The following MYCBP2 variants were observed in gnomAD, a reference collection of about 807,000 sequenced individuals.
The protein encoded by MYCBP2 is MYC binding protein 2.
A neutral mutation model predicts 525.3 loss-of-function variants in MYCBP2; 120 were observed. That is an observed-to-expected ratio of 0.23 (90% CI 0.20 to 0.27). MYCBP2 has a LOEUF of 0.27. Ranked by LOEUF, MYCBP2 falls within the 10% of genes least tolerant of loss-of-function variation. MYCBP2 has a pLI of 1.00. For synonymous variants in MYCBP2, 1,894 were observed against 1,955.8 expected (o/e 0.97, Z 0.83); for missense variants, 4,149 against 5,657.1 (o/e 0.73, Z 8.55).
At position 77,327,065 on chromosome 13, in the gene MYCBP2, C is replaced by T. The variant is rs1217434090; in HGVS notation, c.-290G>A. 4.6e-6 allele frequency: 2 copies of T among 439,530 alleles called. No individual in the cohort carries two copies. Among genetic ancestry groups the T allele is most frequent in the Non-Finnish European group, 7.9e-6 (2 of 253,698 alleles). The allele number at this position is 439,530 out of a possible 1,614,324, so 27.2% of individuals were successfully genotyped here. A position where few individuals can be genotyped will look rare whatever the true frequency, so the allele number is the denominator to read the frequency against. ...CCGCCACCACCGCTACCACCGCCACCACCGCCGGGGCTACCCGCAATGGGA... is the reference window on the plus strand; with the variant it reads ...CCGCCACCACCGCTACCACCGCCACTACCGCCGGGGCTACCCGCAATGGGA... On this transcript the variant is annotated 5_prime_UTR_variant, in exon 1 of 83. Transcript: ENST00000544440.
At chr13:77,308,453 A>T (rs1567220000) in intron 1 of MYCBP2, among the ~76,000 whole-genome samples, 1 of 152,186 alleles carries the variant, frequency 6.6e-6, no homozygotes, top group Non-Finnish European at 1.5e-5. Flanking sequence ...CAGCACTGTG[A>T]TCTTGGTATT....
rs1251799724 is a variant in MYCBP2 at position 77,157,921 on chromosome 13, CTT to C, written c.6770+14_6770+15del. ...GAAAGCCCTAAAATAAAGTAAGTAACTTAAAGTACATTTACCTTGCAAGCCTT... is the reference window on the plus strand; with the variant it reads ...GAAAGCCCTAAAATAAAGTAAGTAACAAAGTACATTTACCTTGCAAGCCTT... On this transcript the variant is annotated intron_variant, in intron 45 of 82. Coordinates refer to ENST00000544440, the MANE Select transcript of MYCBP2 (RefSeq NM_015057.5). The C allele has an allele frequency of 5.0e-6, 8 of 1,593,498 alleles. No homozygotes were observed. Among genetic ancestry groups the C allele is most frequent in the African/African-American group, 1.4e-5 (1 of 73,722 alleles).
At chr13:77,188,351 C>T (rs560078879) in intron 30 of MYCBP2, among the ~76,000 whole-genome samples, 16 of 152,272 alleles carry the variant, frequency 1.1e-4, no homozygotes, top group African/African-American at 3.6e-4. Context: ...ACATCTTACA[C>T]CCCTTATCTC....
At chr13:77,248,825 C>A (rs908139721) in intron 15 of MYCBP2, among the ~76,000 whole-genome samples, 1 of 152,138 alleles carries the variant, frequency 6.6e-6, no homozygotes, top group Non-Finnish European at 1.5e-5. Flanking sequence ...ATCTTCACAG[C>A]GCATTACTCA....
chr13:77,279,771 A>G (rs1320936687), intron 3 of MYCBP2, among the ~76,000 whole-genome samples: 2 of 152,220 alleles, frequency 1.3e-5, no homozygotes, highest in African/African-American at 4.8e-5. Flanking sequence ...ATATGAAGGT[A>G]TACTAGACCC....
At chr13:77,204,200 G>GA (rs1296239028) in intron 26 of MYCBP2, among the ~76,000 whole-genome samples, 29 of 151,128 alleles carry the variant, frequency 1.9e-4, no homozygotes, top group Admixed American at 1.8e-3. Context: ...CAATTTACAA[G>GA]AAAAAAAACA....
At chr13:77,165,640 C>T (rs1002734567) in intron 41 of MYCBP2, among the ~76,000 whole-genome samples, 1 of 152,136 alleles carries the variant, frequency 6.6e-6, no homozygotes, top group African/African-American at 2.4e-5. Flanking sequence ...ATCAAACTCC[C>T]CTGCTTAATA....
At chr13:77,154,259 T>C (rs2056926975) in intron 46 of MYCBP2, among the ~76,000 whole-genome samples, 1 of 152,008 alleles carries the variant, frequency 6.6e-6, no homozygotes, top group Non-Finnish European at 1.5e-5. Context: ...AGTTTCTAAA[T>C]TGGATAAATC....
rs535937989 is a variant in MYCBP2, at chr13:77,063,323, C to A, written c.12673-626G>T. On this transcript the variant is annotated intron_variant, in intron 73 of 82. Coordinates refer to ENST00000544440, the MANE Select transcript of MYCBP2 (RefSeq NM_015057.5). ...CTGTAATCCCAGCACTTTGGGAGGC[C>A]AAGGTGGGTGGATCACCTGAGGTCA... Among the ~76,000 whole-genome samples the A allele has an allele frequency of 2.0e-5, 3 of 152,062 alleles. No individual in the cohort carries two copies. The South Asian group carries it at 6.2e-4, about 31-fold the overall frequency.
At chr13:77,227,580 A>C (rs2154297740) in intron 18 of MYCBP2, among the ~76,000 whole-genome samples, 1 of 152,206 alleles carries the variant, frequency 6.6e-6, no homozygotes, top group South Asian at 2.1e-4. Flanking sequence ...TTACGGCTTT[A>C]TCTCAATTGG....
chr13:77,058,417 T>C lies in MYCBP2; in HGVS notation c.13141-11A>G, dbSNP rs1420073786. The C allele has an allele frequency of 3.8e-6, 6 of 1,569,104 alleles. No individual in the cohort carries two copies. The highest frequency in any genetic ancestry group is 5.2e-6 in the Non-Finnish European group (6 of 1,154,780). On this transcript the variant is annotated splice_polypyrimidine_tract_variant and intron_variant, in intron 77 of 82. Transcript: ENST00000544440. This position sits in a 1 kb window ranked among gnomAD's most constrained non-coding sequence, Gnocchi z 4.1. The stretch of plus-strand genomic sequence containing the variant: ...TATCTTAGCGTATTCCTGTTAAAGA[T>C]GAATTACAATGTTACACAAGTATGT...
At chr13:77,106,939 G>C (rs1333834155) in intron 55 of MYCBP2, among the ~76,000 whole-genome samples, 1 of 152,102 alleles carries the variant, frequency 6.6e-6, no homozygotes, top group South Asian at 2.1e-4. Context: ...AAGAGCTTGA[G>C]GAGGTTTTAT....
At chr13:77,063,849 C>A (rs560422861) in intron 73 of MYCBP2, among the ~76,000 whole-genome samples, 1 of 152,302 alleles carries the variant, frequency 6.6e-6, no homozygotes, top group African/African-American at 2.4e-5. Flanking sequence ...GAAAGGATTA[C>A]TGTCAAAAAT....
At chr13:77,267,615 G>C (rs974269435) in intron 8 of MYCBP2, among the ~76,000 whole-genome samples, 1 of 151,938 alleles carries the variant, frequency 6.6e-6, no homozygotes, top group Non-Finnish European at 1.5e-5. Flanking sequence ...GGCCATAGAC[G>C]GCCAAGTTTG....
At chr13:77,295,666 A>G (rs562391651) in intron 2 of MYCBP2, among the ~76,000 whole-genome samples, 53 of 152,350 alleles carry the variant, frequency 3.5e-4, no homozygotes, top group African/African-American at 1.2e-3. Flanking sequence ...TTCAGGAATC[A>G]TAGTTACGAC....
At chr13:77,315,616 C>T (rs912824600) in intron 1 of MYCBP2, among the ~76,000 whole-genome samples, 35 of 152,192 alleles carry the variant, frequency 2.3e-4, no homozygotes, top group Admixed American at 1.0e-3. Context: ...ATCAGCAAGC[C>T]GGGTGCGATG....
intron 54 of MYCBP2, among the ~76,000 whole-genome samples, chr13:77,122,531 T>C (rs2050911046): frequency 6.6e-6 from 1 of 151,564 alleles, no homozygotes; most frequent in Non-Finnish European, 1.5e-5. Flanking sequence ...GTACTAAAAA[T>C]ACAAAAAATT....
In MYCBP2 at chr13:77,326,620, C is replaced by A. The variant is rs374024718; in HGVS notation, c.156G>T (p.Gly52=). The part of the protein sequence containing the change: ...PDGSVAAAGL[G]LGLPAADSRG... ...GGGAGTCCGCGGCGGGTAGCCCCAG[C>A]CCCAGCCCCGCAGCAGCCACGGAGC... Residue 52 remains glycine, a synonymous_variant, in exon 1 of 83, where the codon GGG becomes GGT. Transcript: ENST00000544440. This position sits in a 1 kb window ranked among gnomAD's most constrained non-coding sequence, Gnocchi z 4.2. 1.0e-5 allele frequency: 16 copies of A among 1,566,504 alleles called. No homozygotes were observed. The highest frequency in any genetic ancestry group is 1.7e-4 in the Middle Eastern group (1 of 5,892).
intron 1 of MYCBP2, among the ~76,000 whole-genome samples, chr13:77,321,761 A>G (rs756916205): frequency 2.6e-5 from 4 of 152,232 alleles, no homozygotes; most frequent in Admixed American, 1.3e-4. Flanking sequence ...TAACACTTCT[A>G]TAAGTATCTG....
Sources: allele counts gnomAD v4.1 joint callset (sites outside exome capture counted in the v4.1 genomes callset), GRCh38; gene constraint gnomAD v4.1.1; non-coding constraint Gnocchi (gnomAD v3.1); transcripts MANE v1.5; gene names NCBI Gene and HGNC (gene_info 2026-07-23, HGNC 2026-07-21).